The following SHROOM3 variants were observed in gnomAD, a reference collection of about 807,000 sequenced individuals.
SHROOM3 encodes the protein protein Shroom3.
SHROOM3 carries 47 observed loss-of-function variants against 138.6 expected under a neutral mutation model. The ratio of observed to expected loss-of-function variants is 0.34; its 90% CI spans 0.27 to 0.43. SHROOM3 has a LOEUF of 0.43. Among genes scored for constraint, SHROOM3 ranks in the 20% least tolerant of loss-of-function variants. SHROOM3 has a pLI of 1.00. For synonymous variants in SHROOM3, 1,062 were observed against 1,063.3 expected, an observed-to-expected ratio of 1.00 and a Z score of 0.02; for missense variants, 2,491 against 2,596.5, an observed-to-expected ratio of 0.96 and a Z score of 0.88.
intron 3 of SHROOM3, among the ~76,000 whole-genome samples, chr4:76,728,413 C>G (rs544043376): frequency 2.6e-5 from 4 of 152,342 alleles, no homozygotes; most frequent in Non-Finnish European, 4.4e-5. Flanking sequence ...CTCTCTTTGC[C>G]TGCTTCCATC....
intron 2 of SHROOM3, among the ~76,000 whole-genome samples, chr4:76,651,732 C>A (rs1735965800): frequency 1.3e-5 from 2 of 152,074 alleles, no homozygotes; most frequent in African/African-American, 4.8e-5. Context: ...AGAGCATAAC[C>A]AGTAGAAGCC....
chr4:76,486,001 A>T (rs1579187172), intron 1 of SHROOM3, among the ~76,000 whole-genome samples: 1 of 152,036 alleles, frequency 6.6e-6, no homozygotes, highest in East Asian at 1.9e-4. Flanking sequence ...TGGAATTTTT[A>T]TTTTATTTAT....
intron 1 of SHROOM3, among the ~76,000 whole-genome samples, chr4:76,479,860 T>G (rs1579182834): frequency 6.6e-6 from 1 of 152,180 alleles, no homozygotes; most frequent in Non-Finnish European, 1.5e-5. Flanking sequence ...ACCCAGAATT[T>G]CATATCCAGC....
At chr4:76,681,625 G>GTGTGTGTGTGTGTGTGTGTGTATGTA (rs150048957) in intron 2 of SHROOM3, among the ~76,000 whole-genome samples, 3,287 of 117,682 alleles carry the variant, frequency 0.028, 168 homozygotes, top group East Asian at 0.076. Context: ...GTGTGTGTGT[G>GTGTGTGTGTGTGTGTGTGTGTATGTA]TGTGTGTGTA....
chr4:76,733,796 G>A (rs1453856743), intron 4 of SHROOM3, among the ~76,000 whole-genome samples: 1 of 152,188 alleles, frequency 6.6e-6, no homozygotes, highest in Non-Finnish European at 1.5e-5. Context: ...AAGAGGGGGT[G>A]AGAGGATGAG....
chr4:76,666,561 G>A (rs1718699450), intron 2 of SHROOM3, among the ~76,000 whole-genome samples: 2 of 152,148 alleles, frequency 1.3e-5, no homozygotes, highest in South Asian at 4.1e-4. Flanking sequence ...ACAGGCATAA[G>A]CGATCATGCC....
At chr4:76,631,124 C>T (rs1021639320) in intron 2 of SHROOM3, among the ~76,000 whole-genome samples, 4 of 150,002 alleles carry the variant, frequency 2.7e-5, no homozygotes, top group East Asian at 2.0e-4. Flanking sequence ...GAAAATGGAA[C>T]GGGGTCTTGG....
intron 1 of SHROOM3, among the ~76,000 whole-genome samples, chr4:76,438,239 C>G (rs1257458912): frequency 6.6e-6 from 1 of 152,180 alleles, no homozygotes; most frequent in Admixed American, 6.5e-5. Context: ...CAAGTTCCTT[C>G]TATTTTCTTA....
chr4:76,661,354 C>A (rs931888109), intron 2 of SHROOM3, among the ~76,000 whole-genome samples: 1 of 152,056 alleles, frequency 6.6e-6, no homozygotes, highest in Non-Finnish European at 1.5e-5. Context: ...CTCAGCCTAC[C>A]AAGTAGCTGG....
At chr4:76,547,973 GT>G (rs2110024556) in intron 1 of SHROOM3, among the ~76,000 whole-genome samples, 1 of 115,830 alleles carries the variant, frequency 8.6e-6, no homozygotes, top group South Asian at 3.1e-4. Context: ...CATGAATTAA[GT>G]GTTAATGAGA....
intron 2 of SHROOM3, among the ~76,000 whole-genome samples, chr4:76,660,206 G>C (rs988715072): frequency 3.3e-5 from 5 of 152,036 alleles, no homozygotes; most frequent in Admixed American, 1.3e-4. Flanking sequence ...TTAGCAATTT[G>C]CACTTGGGCA....
chr4:76,498,697 A>G (rs139941690), intron 1 of SHROOM3, among the ~76,000 whole-genome samples: 16 of 152,074 alleles, frequency 1.1e-4, no homozygotes, highest in African/African-American at 3.6e-4. Flanking sequence ...GATGAGAGGC[A>G]TATTTGCTGA....
At chr4:76,598,485 A>G (rs1734437080) in intron 2 of SHROOM3, among the ~76,000 whole-genome samples, 1 of 152,210 alleles carries the variant, frequency 6.6e-6, no homozygotes, top group Non-Finnish European at 1.5e-5. Context: ...TAGCTAGACA[A>G]AGTAGCTTAC....
At chr4:76,534,921 C>T (rs1156545219) in intron 1 of SHROOM3, among the ~76,000 whole-genome samples, 1 of 152,074 alleles carries the variant, frequency 6.6e-6, no homozygotes, top group Admixed American at 6.6e-5. Flanking sequence ...AAAAGATTTA[C>T]TCCCCAGATC....
chr4:76,767,312 ATG>A (rs1301563500), intron 9 of SHROOM3, among the ~76,000 whole-genome samples: 1 of 152,182 alleles, frequency 6.6e-6, no homozygotes, highest in Non-Finnish European at 1.5e-5. Flanking sequence ...TCACCACCAC[ATG>A]TGAGAGCAAA....
At chr4:76,437,207 C>T (rs1031929302) in intron 1 of SHROOM3, among the ~76,000 whole-genome samples, 12 of 152,170 alleles carry the variant, frequency 7.9e-5, no homozygotes, top group Middle Eastern at 3.4e-3. Context: ...CACGAGTGCA[C>T]GGGACACCAT....
chr4:76,620,514 C>A (rs900225779), intron 2 of SHROOM3, among the ~76,000 whole-genome samples: 1 of 152,100 alleles, frequency 6.6e-6, no homozygotes, highest in South Asian at 2.1e-4. Context: ...AATAAGAACA[C>A]ATTGTTTCAG....
intron 1 of SHROOM3, among the ~76,000 whole-genome samples, chr4:76,442,168 T>TCA (rs1397149572): frequency 2.0e-5 from 3 of 152,248 alleles, no homozygotes; most frequent in Non-Finnish European, 4.4e-5. Context: ...AAAATCTTTC[T>TCA]CATTTACACA....
At position 76,754,717 on chromosome 4, in the gene SHROOM3, G is replaced by A. The variant is rs376155678; in HGVS notation, c.4234G>A (p.Val1412Ile). The stretch of plus-strand genomic sequence containing the variant: ...TGAGGGCGATGGCCCAGAGCATGGG[G>A]TAGAAGAGGGAACGAGGAAGAGGGT... ...GCEGDGPEHG[V>I]EEGTRKRVSL... The change falls in exon 7 of 11, where the codon GTA (valine) becomes ATA (isoleucine). Residue 1412 changes from valine (V) to isoleucine (I), a missense_variant. By Grantham distance (29) the Val-to-Ile change is conservative. This residue lies in a region of SHROOM3 where 1,733 missense variants were observed against 1,661.6 expected (regional missense o/e 1.04). Transcript: ENST00000296043. The A allele has an allele frequency of 1.5e-5, 25 of 1,614,098 alleles. No individual in the cohort carries two copies. The highest frequency in any genetic ancestry group is 1.9e-5 in the Non-Finnish European group (22 of 1,180,050).
Sources: gnomAD v4.1 joint callset for allele counts (sites outside exome capture counted in the v4.1 genomes callset) on GRCh38, gnomAD v4.1.1 for gene constraint, gnomAD v4.1.1 regional missense constraint, MANE v1.5 for transcripts, NCBI Gene and HGNC (gene_info 2026-07-23, HGNC 2026-07-21) for gene names.